CNTN3: variants seen among roughly 807,000 people sequenced by gnomAD.
The protein encoded by CNTN3 is contactin 3.
CNTN3 carries 60 observed loss-of-function variants against 119.1 expected under a neutral mutation model. The observed-to-expected ratio is 0.50, with a 90% confidence interval of 0.41 to 0.62. The LOEUF is 0.62. Among genes scored for constraint, CNTN3 ranks in the 20% least tolerant of loss-of-function variants. CNTN3 has a pLI of 0.00. For missense variants in CNTN3, 1,101 were observed against 1,242.4 expected (o/e 0.89, Z 1.71); for synonymous variants, 450 against 438.7 (o/e 1.03, Z -0.32).
At chr3:74,443,368 TGAA>T (rs1701997465) in intron 4 of CNTN3, among the ~76,000 whole-genome samples, 1 of 152,168 alleles carries the variant, frequency 6.6e-6, no homozygotes, top group African/African-American at 2.4e-5. Context: ...TATGCACAAA[TGAA>T]AACCTGTCCT....
chr3:74,401,335 T>C (rs1274034168), intron 5 of CNTN3, among the ~76,000 whole-genome samples: 1 of 152,152 alleles, frequency 6.6e-6, no homozygotes, highest in Non-Finnish European at 1.5e-5. Flanking sequence ...AAACTAGTTT[T>C]CATAAAAGCA....
chr3:74,311,320 A>G (rs1702680213), intron 13 of CNTN3, among the ~76,000 whole-genome samples: 1 of 152,314 alleles, frequency 6.6e-6, no homozygotes, highest in East Asian at 1.9e-4. Context: ...TAAAGAAGGA[A>G]AGACTAGGTT....
In CNTN3 at chr3:74,332,428, G is replaced by A. The variant is rs1036495173; in HGVS notation, c.1668+2307C>T. Among the ~76,000 whole-genome samples, 8 of 152,134 alleles carry A rather than the reference G, an allele frequency of 5.3e-5. No individual in the cohort carries two copies. In the South Asian group the frequency reaches 8.3e-4, roughly 16 times the overall value. ...TAGAGAAAGAACAGAATTGGCAAGCGGTAGCATTAATTTATGAAATTTCAT... is the reference window on the plus strand; with the variant it reads ...TAGAGAAAGAACAGAATTGGCAAGCAGTAGCATTAATTTATGAAATTTCAT... On this transcript the variant is annotated intron_variant, in intron 13 of 22. Coordinates refer to ENST00000263665, the MANE Select transcript of CNTN3 (RefSeq NM_020872.3).
intron 5 of CNTN3, among the ~76,000 whole-genome samples, chr3:74,398,497 T>C (rs1046901909): frequency 1.3e-5 from 2 of 152,260 alleles, no homozygotes; most frequent in Admixed American, 6.5e-5. Context: ...ACAGCTTTTA[T>C]ATGCATTAGG....
intron 4 of CNTN3, among the ~76,000 whole-genome samples, chr3:74,453,974 A>G (rs1484530967): frequency 2.0e-5 from 3 of 151,040 alleles, no homozygotes; most frequent in East Asian, 2.0e-4. Flanking sequence ...GTGCTGAAAA[A>G]AATGTATGTT....
chr3:74,535,857 T>C (rs2107141095), intron 1 of CNTN3, among the ~76,000 whole-genome samples: 1 of 152,210 alleles, frequency 6.6e-6, no homozygotes, highest in East Asian at 1.9e-4. Flanking sequence ...AAACCAAATA[T>C]ATCTGCAACT....
chr3:74,393,220 A>G (rs1704959314), intron 5 of CNTN3, among the ~76,000 whole-genome samples: 1 of 152,140 alleles, frequency 6.6e-6, no homozygotes, highest in African/African-American at 2.4e-5. Context: ...GCTATGTGAG[A>G]TATTTTTTTT....
chr3:74,608,368 A>T (rs925185974), intron 1 of CNTN3, among the ~76,000 whole-genome samples: 157 of 152,314 alleles, frequency 1.0e-3, no homozygotes, highest in African/African-American at 3.7e-3. Context: ...GTTTAGGAAG[A>T]TGTGCTTTTG....
Position 74,486,389 on chromosome 3 carries a change from C to T in CNTN3, c.358+67G>A, listed in dbSNP as rs1702859088. On this transcript the variant is annotated intron_variant, in intron 4 of 22. Transcript: ENST00000263665. Reference sequence around the variant, plus strand: ...CATGTATTATTTCTGAAATCCAAAACGACTACACAAATTAAGTTACATATT... The same window carrying T: ...CATGTATTATTTCTGAAATCCAAAATGACTACACAAATTAAGTTACATATT... The T allele has an allele frequency of 8.6e-6, 12 of 1,394,408 alleles. No individual in the cohort carries two copies. In the South Asian group the frequency reaches 9.0e-5, roughly 10 times the overall value. 86.4% of individuals were successfully genotyped at this position (1,394,408 alleles called of 1,614,324 possible). A position where few individuals can be genotyped will look rare whatever the true frequency, so the allele number is the denominator to read the frequency against.
At chr3:74,444,082 G>A (rs964778171) in intron 4 of CNTN3, among the ~76,000 whole-genome samples, 27 of 152,068 alleles carry the variant, frequency 1.8e-4, no homozygotes, top group African/African-American at 5.5e-4. Context: ...TATAATCTCC[G>A]CCTCCATTGT....
At chr3:74,329,872 T>TAC (rs1703218917) in intron 13 of CNTN3, among the ~76,000 whole-genome samples, 1 of 152,206 alleles carries the variant, frequency 6.6e-6, no homozygotes, top group Non-Finnish European at 1.5e-5. Flanking sequence ...TGAAATAGTG[T>TAC]ACACATTCTT....
intron 11 of CNTN3, among the ~76,000 whole-genome samples, chr3:74,356,100 T>C (rs1703929043): frequency 6.6e-6 from 1 of 151,984 alleles, no homozygotes; most frequent in Non-Finnish European, 1.5e-5. Context: ...TCAGTGCCCT[T>C]ACAAAAGAGA....
chr3:74,591,679 G>C (rs542801166), intron 1 of CNTN3, among the ~76,000 whole-genome samples: 1 of 151,906 alleles, frequency 6.6e-6, no homozygotes, highest in South Asian at 2.1e-4. Context: ...AAGAATCAAT[G>C]GTAACTCCAA....
At chr3:74,337,220 T>C (rs558880168) in intron 11 of CNTN3, among the ~76,000 whole-genome samples, 2 of 152,200 alleles carry the variant, frequency 1.3e-5, no homozygotes, top group African/African-American at 2.4e-5. Context: ...CCAATAAACC[T>C]TACCTTAGAG....
intron 4 of CNTN3, among the ~76,000 whole-genome samples, chr3:74,439,651 G>A (rs1701929252): frequency 1.3e-5 from 2 of 152,126 alleles, no homozygotes; most frequent in African/African-American, 4.8e-5. Context: ...AAGTGTCAGA[G>A]GCAGGCTGAT....
At chr3:74,304,573 T>A (rs1702522886) in intron 13 of CNTN3, among the ~76,000 whole-genome samples, 1 of 152,196 alleles carries the variant, frequency 6.6e-6, no homozygotes, top group Admixed American at 6.5e-5. Flanking sequence ...GGATTTTATG[T>A]CCTCACATAT....
At chr3:74,352,169 G>T (rs1703830457) in intron 11 of CNTN3, among the ~76,000 whole-genome samples, 1 of 152,186 alleles carries the variant, frequency 6.6e-6, no homozygotes, top group Admixed American at 6.5e-5. Context: ...TGGAATAAAA[G>T]AATAAATACC....
intron 4 of CNTN3, among the ~76,000 whole-genome samples, chr3:74,464,121 A>G (rs1340807463): frequency 6.6e-6 from 1 of 152,152 alleles, no homozygotes; most frequent in Admixed American, 6.6e-5. Flanking sequence ...GGCTTTCAAT[A>G]CAGCTCCCCT....
chr3:74,450,342 A>C (rs2106946429), intron 4 of CNTN3, among the ~76,000 whole-genome samples: 1 of 152,194 alleles, frequency 6.6e-6, no homozygotes, highest in South Asian at 2.1e-4. Flanking sequence ...TTGTTGGTGA[A>C]AATGTAAATT....
Sources: allele counts gnomAD v4.1 joint callset (sites outside exome capture counted in the v4.1 genomes callset), GRCh38; gene constraint gnomAD v4.1.1; transcripts MANE v1.5; gene names NCBI Gene and HGNC (gene_info 2026-07-23, HGNC 2026-07-21).